The following TRAK2 variants were observed in gnomAD, a reference collection of about 807,000 sequenced individuals.
TRAK2 encodes the protein trafficking kinesin-binding protein 2.
In TRAK2, 81 loss-of-function variants were observed where a neutral mutation model predicts 104.6. The observed-to-expected ratio is 0.77, with a 90% CI of 0.65 to 0.93. TRAK2 has a LOEUF of 0.93. Ranked by LOEUF, TRAK2 falls within the 40% of genes least tolerant of loss-of-function variation. The probability of loss-of-function intolerance (pLI) is 0.00; values close to 1 mark genes in which losing one functional copy is unlikely to be tolerated. For missense variants in TRAK2, 1,002 were observed against 1,089.0 expected (o/e 0.92, Z 1.12); for synonymous variants, 406 against 394.4 (o/e 1.03, Z -0.35).
At position 201,411,382 on chromosome 2, in the gene TRAK2, G is replaced by A. The variant is rs994738783; in HGVS notation, c.92-3785C>T. On this transcript the variant is annotated intron_variant, in intron 2 of 15. Coordinates refer to ENST00000332624, the MANE Select transcript of TRAK2 (RefSeq NM_015049.3). ...CCAGTCAGAAGGTCTGCTCCAATGT[G>A]GCTAAAAACCTTGTCAATTTGCTGA... 1.3e-5 allele frequency: 10 copies of A among 748,290 alleles called. No individual in the cohort carries two copies. The South Asian group carries it at 1.3e-4, about 10-fold the overall frequency. The allele number at this position is 748,290 out of a possible 1,614,324, so 46.4% of individuals were successfully genotyped here. A position where few individuals can be genotyped will look rare whatever the true frequency, so the allele number is the denominator to read the frequency against.
At chr2:201,437,670 A>G (rs553290064) in intron 1 of TRAK2, among the ~76,000 whole-genome samples, 154 of 152,258 alleles carry the variant, frequency 1.0e-3, no homozygotes, top group African/African-American at 3.6e-3. Flanking sequence ...TTATTTTTCA[A>G]GCCTATTGCT....
chr2:201,383,062 C>G (rs781748446), intron 15 of TRAK2, among the ~76,000 whole-genome samples: 17 of 152,208 alleles, frequency 1.1e-4, no homozygotes, highest in Non-Finnish European at 2.1e-4. Flanking sequence ...TACACTGTTA[C>G]ATGTTCTACA....
At chr2:201,441,664 C>A (rs1951924403) in intron 1 of TRAK2, among the ~76,000 whole-genome samples, 1 of 150,392 alleles carries the variant, frequency 6.6e-6, no homozygotes, top group African/African-American at 2.4e-5. Flanking sequence ...CTTTCTTCCT[C>A]CAGACAGTGT....
At chr2:201,381,340 C>T in intron 15 of TRAK2, 122 bp from the exon 16 acceptor site, 1 of 855,550 alleles carries the variant, frequency 1.2e-6, no homozygotes, top group Non-Finnish European at 1.8e-6. Context: ...GCAACAAACA[C>T]ATCCGTAACT....
chr2:201,380,062 CATCTCACTATT>C lies in TRAK2; in HGVS notation c.*470_*480del, dbSNP rs1951324681. On this transcript the variant is annotated 3_prime_UTR_variant, in exon 16 of 16. Transcript: ENST00000332624. ...ATATTAACAGGGGAAACATATAAGC[CATCTCACTATT>C]GTCTCAGTAATAGACTGAGCTTACC... 6.1e-6 allele frequency: 1 copy of C among 162,894 alleles called. No individual in the cohort carries two copies. The highest frequency in any genetic ancestry group is 1.6e-4 in the South Asian group (1 of 6,364). 10.1% of individuals were successfully genotyped at this position (162,894 alleles called of 1,614,324 possible).
intron 1 of TRAK2, among the ~76,000 whole-genome samples, chr2:201,449,789 C>T (rs987067566): frequency 1.3e-5 from 2 of 152,024 alleles, no homozygotes; most frequent in Non-Finnish European, 1.5e-5. Flanking sequence ...GGACTACAGG[C>T]GCGTGCCACC....
chr2:201,411,767 C>T, intron 2 of TRAK2: 1 of 789,382 alleles, frequency 1.3e-6, no homozygotes, highest in Non-Finnish European at 2.3e-6. Context: ...ACCACTTATC[C>T]AAGTATTCCA....
chr2:201,395,935 G>A (rs1163158944), intron 7 of TRAK2, among the ~76,000 whole-genome samples: 2 of 152,266 alleles, frequency 1.3e-5, no homozygotes, highest in East Asian at 1.9e-4. Context: ...ATAAAGCTAC[G>A]GAAATGCTTC....
At chr2:201,416,484 TGTTAAA>T (rs1362342639) in intron 2 of TRAK2, among the ~76,000 whole-genome samples, 3 of 152,060 alleles carry the variant, frequency 2.0e-5, no homozygotes, top group East Asian at 1.9e-4. Flanking sequence ...TCCCAGGAAA[TGTTAAA>T]GTTAAACAGG....
At chr2:201,412,374 A>T in intron 2 of TRAK2, 1 of 1,337,618 alleles carries the variant, frequency 7.5e-7, no homozygotes, top group Non-Finnish European at 1.1e-6. Context: ...CTGGTCTTAC[A>T]GTTGGAGTTA....
intron 7 of TRAK2, 53 bp downstream of exon 7, chr2:201,397,449 C>T (rs1158066431): frequency 2.3e-6 from 3 of 1,308,534 alleles, no homozygotes; most frequent in Non-Finnish European, 3.2e-6. Flanking sequence ...GGTGGAGATA[C>T]CCTACCAAAG....
chr2:201,381,351 G>C, intron 15 of TRAK2, 133 bp from the exon 16 acceptor site: 1 of 782,102 alleles, frequency 1.3e-6, no homozygotes, highest in Non-Finnish European at 2.0e-6. Context: ...ATCCGTAACT[G>C]TATGCTGTGG....
At chr2:201,392,761 T>C in intron 10 of TRAK2, 148 bp downstream of exon 10, 1 of 709,436 alleles carries the variant, frequency 1.4e-6, no homozygotes. Context: ...ATATACAAAT[T>C]AGGGCCTAAA....
At chr2:201,405,632 C>T (rs980185534) in intron 3 of TRAK2, among the ~76,000 whole-genome samples, 29 of 152,194 alleles carry the variant, frequency 1.9e-4, no homozygotes, top group African/African-American at 6.5e-4. Context: ...CTTTCTGTGA[C>T]GCTTTGTCAA....
intron 7 of TRAK2, 128 bp from the exon 8 acceptor site, chr2:201,395,572 A>C (rs1951494917): frequency 1.0e-6 from 1 of 957,188 alleles, no homozygotes; most frequent in Non-Finnish European, 1.4e-6. Context: ...TTTCTTAAAC[A>C]TAAAAAAAAA....
In TRAK2 at chr2:201,390,950, T is replaced by C. The variant is rs77103629; in HGVS notation, c.1114-1070A>G. Among the ~76,000 whole-genome samples, 220 of 152,042 alleles carry C rather than the reference T, an allele frequency of 1.4e-3. 3 individuals are homozygous for C. In the East Asian group the frequency reaches 0.033, roughly 23 times the overall value. ...AGGCAATGGTGTGAACTCATGATTA[T>C]ATATATTTATATATATATGGATGAA... On this transcript the variant is annotated intron_variant, in intron 10 of 15. Coordinates refer to ENST00000332624, the MANE Select transcript of TRAK2 (RefSeq NM_015049.3).
chr2:201,387,848 CT>C lies in TRAK2; in HGVS notation c.1550del (p.Gln517ArgfsTer94). The C allele has an allele frequency of 6.2e-7, 1 of 1,614,224 alleles. No homozygotes were observed. On this transcript the variant is annotated frameshift_variant, in exon 13 of 16. Coordinates refer to ENST00000332624, the MANE Select transcript of TRAK2 (RefSeq NM_015049.3). LOFTEE classifies it high-confidence loss of function. ...WQRKIQVLAD[Q>X]KEGVSGCVTP... is the part of the protein sequence containing the mutation. Reference sequence around the variant, plus strand: ...TGACACAGCCACTAACTCCTTCCTTCTGGTCTGCCAGAACCTGGATCTTCCG... The same window carrying C: ...TGACACAGCCACTAACTCCTTCCTTCGGTCTGCCAGAACCTGGATCTTCCG...
At chr2:201,423,568 T>A (rs1951761235) in intron 1 of TRAK2, 1 of 152,294 alleles carries the variant, frequency 6.6e-6, no homozygotes, top group African/African-American at 2.4e-5. Context: ...GTCATTAAAG[T>A]TGGTATATAG....
At position 201,424,404 on chromosome 2, in the gene TRAK2, G is replaced by A. The variant is rs148356320; in HGVS notation, c.-199-3698C>T. On this transcript the variant is annotated intron_variant, in intron 1 of 15. Transcript: ENST00000332624. ...TGATACATTTTAAAAAAACAGAATG[G>A]CAATGGAAATCTAAGAATAAATGTG... 2.8e-3 allele frequency among the ~76,000 whole-genome samples: 433 copies of A among 152,152 alleles called. 3 individuals are homozygous for A. The highest frequency in any genetic ancestry group is 0.014 in the Middle Eastern group (4 of 294).
Sources: gnomAD v4.1 joint callset for allele counts (sites outside exome capture counted in the v4.1 genomes callset) on GRCh38, gnomAD v4.1.1 for gene constraint, MANE v1.5 for transcripts, NCBI Gene and HGNC (gene_info 2026-07-23, HGNC 2026-07-21) for gene names.